The following WWC1 variants were observed in gnomAD, a reference collection of about 807,000 sequenced individuals.
WWC1 encodes protein KIBRA.
A neutral mutation model predicts 138.4 loss-of-function variants in WWC1; 55 were observed. That is an observed-to-expected ratio of 0.40 (90% confidence interval 0.32 to 0.50). The LOEUF is 0.50. WWC1 is among the 20% of genes least tolerant of loss of function. The pLI is 0.72. For synonymous variants in WWC1, 524 were observed against 564.9 expected, an observed-to-expected ratio of 0.93 and a Z score of 1.03; for missense variants, 1,226 against 1,420.4, an observed-to-expected ratio of 0.86 and a Z score of 2.20.
chr5:168,431,675 A>G (rs930057324), intron 15 of WWC1, among the ~76,000 whole-genome samples: 9 of 152,186 alleles, frequency 5.9e-5, no homozygotes, highest in Non-Finnish European at 1.2e-4. Context: ...GCTCTTTCAC[A>G]AGAGGAAGAG....
chr5:168,386,419 G>A (rs1778051946), intron 3 of WWC1, among the ~76,000 whole-genome samples: 1 of 149,902 alleles, frequency 6.7e-6, no homozygotes, highest in Non-Finnish European at 1.5e-5. Context: ...TTGAGACGGA[G>A]TCTCGCTCTG....
At chr5:168,391,927 T>G (rs1204584879) in intron 3 of WWC1, among the ~76,000 whole-genome samples, 3 of 151,830 alleles carry the variant, frequency 2.0e-5, no homozygotes, top group Non-Finnish European at 4.4e-5. Flanking sequence ...CTCACAACAC[T>G]GTTCTATAGG....
intron 9 of WWC1, among the ~76,000 whole-genome samples, chr5:168,417,370 A>G (rs1780741262): frequency 6.6e-6 from 1 of 152,052 alleles, no homozygotes; most frequent in African/African-American, 2.4e-5. Context: ...TTGAAACTCG[A>G]ATTGGAGGCT....
At chr5:168,444,712 A>T in intron 17 of WWC1, 127 bp downstream of exon 17, 2 of 956,040 alleles carry the variant, frequency 2.1e-6, no homozygotes, top group South Asian at 1.6e-5. Flanking sequence ...CCCTCTCCTC[A>T]TGGGTTCTCT....
intron 18 of WWC1, among the ~76,000 whole-genome samples, chr5:168,454,583 A>G (rs1756133352): frequency 6.6e-6 from 1 of 152,184 alleles, no homozygotes; most frequent in Admixed American, 6.5e-5. Flanking sequence ...GTCACATTAC[A>G]GCAGGATTCA....
intron 3 of WWC1, among the ~76,000 whole-genome samples, chr5:168,390,688 A>T (rs894551587): frequency 5.3e-5 from 8 of 152,248 alleles, no homozygotes; most frequent in African/African-American, 1.4e-4. Context: ...TCTAACTCAG[A>T]TGGCTTGCCA....
intron 15 of WWC1, among the ~76,000 whole-genome samples, chr5:168,434,057 G>A (rs899347908): frequency 6.6e-6 from 1 of 152,242 alleles, no homozygotes; most frequent in Non-Finnish European, 1.5e-5. Context: ...CAGAGATGGG[G>A]GTGGTGACTT....
intron 1 of WWC1, among the ~76,000 whole-genome samples, chr5:168,367,691 G>A (rs987175858): frequency 5.3e-5 from 8 of 152,132 alleles, no homozygotes; most frequent in African/African-American, 1.9e-4. Context: ...TATACCTGTG[G>A]TGTTTACTAA....
chr5:168,436,856 C>T (rs947462471), intron 15 of WWC1, among the ~76,000 whole-genome samples: 4 of 152,104 alleles, frequency 2.6e-5, no homozygotes, highest in Admixed American at 2.0e-4. Context: ...GTCCTTTTCC[C>T]CTTCCTCTTT....
chr5:168,405,125 G>C (rs1352922298), intron 5 of WWC1, among the ~76,000 whole-genome samples: 1 of 152,166 alleles, frequency 6.6e-6, no homozygotes, highest in African/African-American at 2.4e-5. Context: ...CTGAGGCTCT[G>C]TGTATTTGAG....
At chr5:168,326,416 C>T (rs918312014) in intron 1 of WWC1, among the ~76,000 whole-genome samples, 2 of 151,954 alleles carry the variant, frequency 1.3e-5, no homozygotes, top group African/African-American at 4.8e-5. Flanking sequence ...AGGGTTTCTC[C>T]ATGTTGGTCA....
At chr5:168,399,467 G>T (rs1346463687) in intron 4 of WWC1, 21 bp from the exon 5 acceptor site, 2 of 1,613,954 alleles carry the variant, frequency 1.2e-6, no homozygotes, top group Non-Finnish European at 1.7e-6. Flanking sequence ...CCAGCCCTGT[G>T]TGTGGTCTGC....
chr5:168,377,085 G>A (rs1205221384), intron 2 of WWC1, among the ~76,000 whole-genome samples: 10 of 152,218 alleles, frequency 6.6e-5, no homozygotes, highest in African/African-American at 9.6e-5. Flanking sequence ...AAGCAGGCAC[G>A]TAGATCAATG....
intron 12 of WWC1, 117 bp downstream of exon 12, chr5:168,428,258 C>A: frequency 1.0e-6 from 1 of 984,412 alleles, no homozygotes; most frequent in Non-Finnish European, 1.5e-6. Flanking sequence ...TGGGAGGAGC[C>A]CCAAGAGGGC....
rs541639650 is a variant in WWC1, at chr5:168,374,062, A to G, written c.229+2529A>G. Among the ~76,000 whole-genome samples the G allele has an allele frequency of 4.0e-4, 59 of 148,864 alleles. No homozygotes were observed. The East Asian group carries it at 0.01, about 26-fold the overall frequency. ...TTCTGTACCAAAAAAAAAAAAAAAA[A>G]AAGAGAGAGAGGTATAGCACAATAT... is the stretch of plus-strand genomic sequence containing the variant. On this transcript the variant is annotated intron_variant, in intron 2 of 22. Transcript: ENST00000265293.
At chr5:168,424,815 C>T (rs1229391189) in intron 11 of WWC1, among the ~76,000 whole-genome samples, 1 of 152,040 alleles carries the variant, frequency 6.6e-6, no homozygotes, top group African/African-American at 2.4e-5. Flanking sequence ...CCCATGTGAC[C>T]GTTTGAAGCC....
At chr5:168,430,252 C>T in intron 14 of WWC1, 29 bp downstream of exon 14, 1 of 1,591,606 alleles carries the variant, frequency 6.3e-7, no homozygotes, top group Non-Finnish European at 8.6e-7. Context: ...AGGTGTATTT[C>T]ATACCCTAAC....
At chr5:168,455,133 C>G (rs976061543) in intron 18 of WWC1, among the ~76,000 whole-genome samples, 5 of 152,206 alleles carry the variant, frequency 3.3e-5, no homozygotes, top group African/African-American at 1.2e-4. Flanking sequence ...AGTCCCCAAC[C>G]ACACGTGCCA....
At chr5:168,323,001 A>G (rs1437852504) in intron 1 of WWC1, among the ~76,000 whole-genome samples, 1 of 152,258 alleles carries the variant, frequency 6.6e-6, no homozygotes, top group African/African-American at 2.4e-5. Context: ...TACTCAGTTT[A>G]TGAAGAAAGT....
Sources: allele counts gnomAD v4.1 joint callset (sites outside exome capture counted in the v4.1 genomes callset), GRCh38; gene constraint gnomAD v4.1.1; transcripts MANE v1.5; gene names NCBI Gene and HGNC (gene_info 2026-07-23, HGNC 2026-07-21).